NTM: variants seen among roughly 807,000 people sequenced by gnomAD.
NTM encodes neurotrimin, also known as IgLON family member 2.
In NTM, 13 loss-of-function variants were observed where a neutral mutation model predicts 42.1. That is an observed-to-expected ratio of 0.31 (90% CI 0.20 to 0.49). The LOEUF is 0.49. Among genes scored for constraint, NTM ranks in the 20% least tolerant of loss-of-function variants. NTM has a pLI of 0.99. For synonymous variants in NTM, 187 were observed against 179.2 expected (o/e 1.04, Z -0.35); for missense variants, 373 against 452.8 (o/e 0.82, Z 1.60).
chr11:132,000,182 T>C (rs2068916805), intron 2 of NTM, among the ~76,000 whole-genome samples: 1 of 152,196 alleles, frequency 6.6e-6, no homozygotes, highest in Non-Finnish European at 1.5e-5. Flanking sequence ...AGACAGTCCC[T>C]GCCTTTCCCA....
chr11:131,421,432 G>A (rs181574529), intron 1 of NTM, among the ~76,000 whole-genome samples: 2 of 152,202 alleles, frequency 1.3e-5, no homozygotes, highest in African/African-American at 4.8e-5. Flanking sequence ...GATGCTGAAG[G>A]TTCCTTTGGA....
chr11:131,500,321 T>G (rs987322167), intron 1 of NTM, among the ~76,000 whole-genome samples: 2 of 152,136 alleles, frequency 1.3e-5, no homozygotes, highest in Non-Finnish European at 2.9e-5. Context: ...CCAGAATCAT[T>G]AGGATCTAAG....
chr11:132,032,930 A>T (rs1301449641), intron 2 of NTM, among the ~76,000 whole-genome samples: 1 of 152,230 alleles, frequency 6.6e-6, no homozygotes, highest in African/African-American at 2.4e-5. Context: ...TACCTAGATC[A>T]GTGTCTAACA....
chr11:131,432,150 G>T (rs1565494204), intron 1 of NTM, among the ~76,000 whole-genome samples: 1 of 152,116 alleles, frequency 6.6e-6, no homozygotes, highest in African/African-American at 2.4e-5. Flanking sequence ...CAGACAGGGG[G>T]AGTACTACAT....
At chr11:131,794,097 G>A (rs578261775) in intron 1 of NTM, among the ~76,000 whole-genome samples, 2 of 152,280 alleles carry the variant, frequency 1.3e-5, no homozygotes, top group South Asian at 2.1e-4. Context: ...CTCCAGGCAG[G>A]GACATGCTGC....
intron 2 of NTM, among the ~76,000 whole-genome samples, chr11:132,129,481 A>G (rs997242489): frequency 2.6e-5 from 4 of 152,174 alleles, no homozygotes; most frequent in African/African-American, 9.7e-5. Flanking sequence ...CCAGTAGCTT[A>G]GGCCCTGCAT....
intron 2 of NTM, among the ~76,000 whole-genome samples, chr11:131,969,972 T>C (rs1250265049): frequency 6.6e-6 from 1 of 152,210 alleles, no homozygotes; most frequent in East Asian, 1.9e-4. Context: ...CGCAGCACCA[T>C]GCCTGGCTAC....
chr11:131,951,526 T>A (rs1291932455), intron 2 of NTM, among the ~76,000 whole-genome samples: 1 of 151,436 alleles, frequency 6.6e-6, no homozygotes, highest in Non-Finnish European at 1.5e-5. Flanking sequence ...TGCAGGAGAG[T>A]GGTCTGGATT....
At chr11:131,665,323 G>T (rs2068849752) in intron 1 of NTM, among the ~76,000 whole-genome samples, 1 of 152,154 alleles carries the variant, frequency 6.6e-6, no homozygotes, top group Non-Finnish European at 1.5e-5. Context: ...GAGATCCCTG[G>T]CAAGTGAAGG....
At chr11:131,561,348 T>G (rs2056207564) in intron 1 of NTM, among the ~76,000 whole-genome samples, 1 of 152,232 alleles carries the variant, frequency 6.6e-6, no homozygotes, top group Non-Finnish European at 1.5e-5. Context: ...GTTGGCCCTA[T>G]GTTTAAAGAA....
intron 2 of NTM, among the ~76,000 whole-genome samples, chr11:131,975,046 C>T (rs1038101068): frequency 1.3e-5 from 2 of 152,168 alleles, no homozygotes; most frequent in African/African-American, 4.8e-5. Flanking sequence ...TAGTGGAGTT[C>T]TTCAGACAAT....
intron 3 of NTM, among the ~76,000 whole-genome samples, chr11:132,191,168 T>TG (rs1202527979): frequency 6.6e-6 from 1 of 152,080 alleles, no homozygotes; most frequent in African/African-American, 2.4e-5. Context: ...TGCTTATGCT[T>TG]GCGGCCACCA....
chr11:131,677,689 A>G (rs1399898425), intron 1 of NTM, among the ~76,000 whole-genome samples: 1 of 152,238 alleles, frequency 6.6e-6, no homozygotes, highest in Non-Finnish European at 1.5e-5. Context: ...AAGAACCCAG[A>G]AAGTTCCTAT....
chr11:131,696,781 G>T (rs1482476640), intron 1 of NTM, among the ~76,000 whole-genome samples: 1 of 133,890 alleles, frequency 7.5e-6, no homozygotes, highest in Admixed American at 6.9e-5. Context: ...GCACACCCAC[G>T]CATGCACACA....
chr11:131,412,310 G>C (rs1946509711), intron 1 of NTM, among the ~76,000 whole-genome samples: 1 of 152,124 alleles, frequency 6.6e-6, no homozygotes, highest in Admixed American at 6.5e-5. Flanking sequence ...CCAAGCCCCA[G>C]GCTCAGCATG....
intron 2 of NTM, among the ~76,000 whole-genome samples, chr11:131,918,719 T>A (rs1455800340): frequency 1.3e-5 from 2 of 152,142 alleles, no homozygotes; most frequent in Non-Finnish European, 2.9e-5. Context: ...TGGTTGTCCC[T>A]CCTTGTCGTG....
intron 1 of NTM, chr11:131,771,137 A>G (rs1374545344): frequency 6.6e-6 from 1 of 152,198 alleles, no homozygotes; most frequent in Non-Finnish European, 1.5e-5. Flanking sequence ...TCGGCCATAA[A>G]AAAAATATAG....
chr11:132,017,196 T>A (rs1290185275), intron 2 of NTM, among the ~76,000 whole-genome samples: 1 of 152,050 alleles, frequency 6.6e-6, no homozygotes, highest in African/African-American at 2.4e-5. Flanking sequence ...TTTACTTTGA[T>A]ATCTAATAAT....
chr11:132,060,977 G>A (rs572222297), intron 2 of NTM, among the ~76,000 whole-genome samples: 2 of 152,238 alleles, frequency 1.3e-5, no homozygotes, highest in South Asian at 2.1e-4. Flanking sequence ...TTTTAAGATG[G>A]CATTTTGTGA....
Sources: allele counts gnomAD v4.1 joint callset (sites outside exome capture counted in the v4.1 genomes callset), GRCh38; gene constraint gnomAD v4.1.1; transcripts MANE v1.5; gene names NCBI Gene and HGNC (gene_info 2026-07-23, HGNC 2026-07-21).